STXBP5L: variants seen among roughly 807,000 people sequenced by gnomAD.
The protein encoded by STXBP5L is syntaxin binding protein 5L.
A neutral mutation model predicts 144.5 loss-of-function variants in STXBP5L; 65 were observed. The observed-to-expected ratio is 0.45, with a 90% CI of 0.37 to 0.55. The LOEUF is 0.55. Among genes scored for constraint, STXBP5L ranks in the 20% least tolerant of loss-of-function variants. STXBP5L has a pLI of 0.00. For synonymous variants in STXBP5L, 505 were observed against 469.6 expected (o/e 1.08, Z -0.97); for missense variants, 1,298 against 1,405.5 (o/e 0.92, Z 1.22).
At chr3:121,313,197 CG>C (rs1203771179) in intron 19 of STXBP5L, among the ~76,000 whole-genome samples, 2 of 133,680 alleles carry the variant, frequency 1.5e-5, no homozygotes, top group African/African-American at 6.0e-5. Flanking sequence ...CCGGACGGGG[CG>C]GCCGGCCGGA....
intron 5 of STXBP5L, among the ~76,000 whole-genome samples, chr3:121,091,418 C>T (rs926346980): frequency 1.3e-5 from 2 of 151,724 alleles, no homozygotes; most frequent in African/African-American, 4.9e-5. Flanking sequence ...GTTCCTATTT[C>T]TCCACATCCT....
intron 2 of STXBP5L, among the ~76,000 whole-genome samples, chr3:120,940,616 T>TA (rs1422320089): frequency 6.9e-6 from 1 of 145,552 alleles, no homozygotes; most frequent in Non-Finnish European, 1.5e-5. Context: ...CGTAAGAAGA[T>TA]GAAAATGAGT....
intron 18 of STXBP5L, among the ~76,000 whole-genome samples, chr3:121,266,814 C>A (rs2108406633): frequency 6.6e-6 from 1 of 152,170 alleles, no homozygotes; most frequent in East Asian, 1.9e-4. Flanking sequence ...AAAATCACTA[C>A]AATTCCTATA....
intron 5 of STXBP5L, among the ~76,000 whole-genome samples, chr3:121,110,117 G>C (rs1340104328): frequency 6.6e-6 from 1 of 152,034 alleles, no homozygotes; most frequent in African/African-American, 2.4e-5. Context: ...ATGTGAGAAG[G>C]GTCGCTTGAA....
intron 19 of STXBP5L, among the ~76,000 whole-genome samples, chr3:121,300,619 T>A (rs930707731): frequency 1.3e-5 from 2 of 151,746 alleles, no homozygotes; most frequent in Non-Finnish European, 2.9e-5. Flanking sequence ...AGAACAACCA[T>A]TAAAGAAAAT....
chr3:120,951,040 C>T (rs1359012034), intron 2 of STXBP5L, among the ~76,000 whole-genome samples: 1 of 151,922 alleles, frequency 6.6e-6, no homozygotes, highest in Non-Finnish European at 1.5e-5. Context: ...CTGAGAAAAA[C>T]AAGCAATGGG....
At position 120,935,789 on chromosome 3, in the gene STXBP5L, T is replaced by A. The variant is rs550492409; in HGVS notation, c.190-19151T>A. ...AGTTTAGTTTTTCTGCGTTTTTTTTTAAAGATTTTTCTCTTTGTCTTTGAT... is the reference window on the plus strand; with the variant it reads ...AGTTTAGTTTTTCTGCGTTTTTTTTAAAAGATTTTTCTCTTTGTCTTTGAT... On this transcript the variant is annotated intron_variant, in intron 2 of 26. Transcript: ENST00000471454. Among the ~76,000 whole-genome samples the A allele has an allele frequency of 3.1e-3, 468 of 152,158 alleles. 5 individuals carry two copies. Among genetic ancestry groups the A allele is most frequent in the African/African-American group, 0.011 (448 of 41,548 alleles).
intron 3 of STXBP5L, among the ~76,000 whole-genome samples, chr3:120,961,208 C>T (rs61077473): frequency 0.79 from 116,362 of 146,534 alleles, 46,534 homozygotes; most frequent in Admixed American, 0.84. Context: ...TTTTTTTTTT[C>T]CCCCGTGATA....
intron 5 of STXBP5L, among the ~76,000 whole-genome samples, chr3:121,046,882 C>A (rs952121305): frequency 6.6e-6 from 1 of 151,710 alleles, no homozygotes; most frequent in East Asian, 1.9e-4. Context: ...TTAGTTATTT[C>A]TTGTCTTTTG....
intron 19 of STXBP5L, among the ~76,000 whole-genome samples, chr3:121,306,406 A>G (rs2043338933): frequency 6.6e-6 from 1 of 152,118 alleles, no homozygotes; most frequent in Non-Finnish European, 1.5e-5. Flanking sequence ...AGTACCATAA[A>G]ATATTGAATC....
At chr3:121,054,068 A>G (rs376868071) in intron 5 of STXBP5L, among the ~76,000 whole-genome samples, 35,244 of 151,896 alleles carry the variant, frequency 0.23, 4,204 homozygotes, top group Non-Finnish European at 0.26. Flanking sequence ...TTAGAATGGC[A>G]ATCATTAAAA....
At chr3:121,006,639 C>G (rs908766820) in intron 3 of STXBP5L, among the ~76,000 whole-genome samples, 4 of 152,102 alleles carry the variant, frequency 2.6e-5, no homozygotes, top group Non-Finnish European at 5.9e-5. Context: ...CAGTTTCTTC[C>G]TAGTATCAAT....
At chr3:121,047,070 C>T (rs1947567168) in intron 5 of STXBP5L, among the ~76,000 whole-genome samples, 1 of 152,038 alleles carries the variant, frequency 6.6e-6, no homozygotes, top group Admixed American at 6.6e-5. Flanking sequence ...TCAGTAGTTC[C>T]AGAGAATTTC....
intron 20 of STXBP5L, among the ~76,000 whole-genome samples, chr3:121,330,869 A>G (rs543987027): frequency 6.6e-6 from 1 of 152,342 alleles, no homozygotes; most frequent in African/African-American, 2.4e-5. Flanking sequence ...CCAACACAGT[A>G]AGCCTATTTA....
chr3:120,974,723 G>A (rs1445561198), intron 3 of STXBP5L, among the ~76,000 whole-genome samples: 2 of 152,100 alleles, frequency 1.3e-5, no homozygotes, highest in African/African-American at 4.8e-5. Flanking sequence ...TTTTGTATAA[G>A]GTGTAAGGAA....
chr3:121,192,232 G>T (rs1024949774), intron 9 of STXBP5L, among the ~76,000 whole-genome samples: 3 of 152,156 alleles, frequency 2.0e-5, no homozygotes, highest in African/African-American at 4.8e-5. Context: ...TTGCTTCAAA[G>T]AGAATAAAAC....
intron 9 of STXBP5L, among the ~76,000 whole-genome samples, chr3:121,172,469 G>A (rs570611192): frequency 6.6e-6 from 1 of 152,198 alleles, no homozygotes; most frequent in African/African-American, 2.4e-5. Context: ...AATCTACAAG[G>A]AACTTAACAA....
intron 19 of STXBP5L, among the ~76,000 whole-genome samples, chr3:121,295,788 A>G (rs2656048): frequency 0.75 from 113,766 of 152,034 alleles, 42,729 homozygotes; most frequent in East Asian, 0.93. Context: ...AATATTATCT[A>G]GCCAAAATGT....
intron 20 of STXBP5L, among the ~76,000 whole-genome samples, chr3:121,366,810 TG>T (rs763489635): frequency 8.7e-5 from 13 of 149,566 alleles, no homozygotes; most frequent in Non-Finnish European, 1.3e-4. Context: ...ATAGCTTTTT[TG>T]TACTCCATTT....
Sources: allele counts gnomAD v4.1 joint callset (sites outside exome capture counted in the v4.1 genomes callset), GRCh38; gene constraint gnomAD v4.1.1; transcripts MANE v1.5; gene names NCBI Gene and HGNC (gene_info 2026-07-23, HGNC 2026-07-21).